DTNA: variants seen among roughly 807,000 people sequenced by gnomAD.
DTNA encodes dystrophin-related protein 3.
DTNA carries 43 observed loss-of-function variants against 100.7 expected under a neutral mutation model. The ratio of observed to expected loss-of-function variants is 0.43; its 90% CI spans 0.33 to 0.55. The LOEUF (loss-of-function observed/expected upper bound fraction) is 0.55. Among genes scored for constraint, DTNA ranks in the 20% least tolerant of loss-of-function variants. The pLI is 0.04. For synonymous variants in DTNA, 349 were observed against 347.9 expected, an observed-to-expected ratio of 1.00 and a Z score of -0.04; for missense variants, 798 against 953.9, an observed-to-expected ratio of 0.84 and a Z score of 2.15.
intron 1 of DTNA, among the ~76,000 whole-genome samples, chr18:34,521,690 T>C (rs2042162434): frequency 6.6e-6 from 1 of 152,156 alleles, no homozygotes; most frequent in South Asian, 2.1e-4. Flanking sequence ...GACCCCTACC[T>C]GGAGCACTTA....
chr18:34,781,960 C>T (rs533797007), intron 3 of DTNA, among the ~76,000 whole-genome samples: 3 of 152,300 alleles, frequency 2.0e-5, no homozygotes, highest in East Asian at 1.9e-4. Context: ...CCAGCCCTAT[C>T]GGTGCTCTTT....
chr18:34,581,887 G>T (rs1353830829), intron 1 of DTNA, among the ~76,000 whole-genome samples: 1 of 152,070 alleles, frequency 6.6e-6, no homozygotes, highest in Non-Finnish European at 1.5e-5. Flanking sequence ...CTCCCAAAGT[G>T]CTGGGATTAT....
chr18:34,781,948 T>C (rs574395444), intron 3 of DTNA, among the ~76,000 whole-genome samples: 2 of 152,344 alleles, frequency 1.3e-5, no homozygotes, highest in Non-Finnish European at 2.9e-5. Context: ...TCCTCATGGC[T>C]GCCAGCCCTA....
chr18:34,564,311 T>C (rs1393295156), intron 1 of DTNA, among the ~76,000 whole-genome samples: 1 of 152,040 alleles, frequency 6.6e-6, no homozygotes, highest in Admixed American at 6.5e-5. Flanking sequence ...TCCAGCTACT[T>C]TTTTGTATTT....
At chr18:34,878,241 G>T (rs1369627378) in intron 19 of DTNA, among the ~76,000 whole-genome samples, 1 of 152,120 alleles carries the variant, frequency 6.6e-6, no homozygotes, top group Admixed American at 6.6e-5. Context: ...GCCTCCCAAA[G>T]TGTGTGAGCC....
intron 1 of DTNA, among the ~76,000 whole-genome samples, chr18:34,547,881 T>C (rs1180916677): frequency 1.3e-5 from 2 of 152,170 alleles, no homozygotes; most frequent in Non-Finnish European, 2.9e-5. Flanking sequence ...TCTCTGCATA[T>C]TTCAGCTAAA....
Position 34,887,955 on chromosome 18 carries a change from C to G in DTNA, c.*221C>G, listed in dbSNP as rs983890731. On this transcript the variant is annotated 3_prime_UTR_variant, in exon 23 of 23. Coordinates refer to ENST00000444659, the MANE Select transcript of DTNA (RefSeq NM_001386795.1). ...GTCCTGATGACTATAGTGCAGCTAACTTTTTGTTCTCAGATTTGTAGTGCA... is the reference window on the plus strand; with the variant it reads ...GTCCTGATGACTATAGTGCAGCTAAGTTTTTGTTCTCAGATTTGTAGTGCA... 1.0e-6 allele frequency: 1 copy of G among 985,862 alleles called. No individual in the cohort carries two copies. The highest frequency in any genetic ancestry group is 1.7e-5 in the African/African-American group (1 of 57,182). The allele number at this position is 985,862 out of a possible 1,614,324, so 61.1% of individuals were successfully genotyped here. A position where few individuals can be genotyped will look rare whatever the true frequency, so the allele number is the denominator to read the frequency against.
intron 1 of DTNA, among the ~76,000 whole-genome samples, chr18:34,629,989 C>T (rs778099946): frequency 3.3e-5 from 5 of 152,140 alleles, no homozygotes; most frequent in Non-Finnish European, 7.4e-5. Flanking sequence ...TAAATGATGT[C>T]GTTGGCATTT....
At chr18:34,882,510 G>T (rs900604918) in intron 21 of DTNA, among the ~76,000 whole-genome samples, 1 of 151,766 alleles carries the variant, frequency 6.6e-6, no homozygotes, top group South Asian at 2.1e-4. Flanking sequence ...CTGGGACTAC[G>T]GGCATGCACC....
chr18:34,669,829 AC>A (rs2076491902), intron 1 of DTNA, among the ~76,000 whole-genome samples: 1 of 152,176 alleles, frequency 6.6e-6, no homozygotes, highest in African/African-American at 2.4e-5. Context: ...TTTGTGGGTA[AC>A]CTGACCTTTC....
At chr18:34,784,330 G>A (rs961849858) in intron 3 of DTNA, among the ~76,000 whole-genome samples, 1 of 152,196 alleles carries the variant, frequency 6.6e-6, no homozygotes, top group East Asian at 1.9e-4. Flanking sequence ...TAAATGAATA[G>A]TTATAGACCC....
intron 1 of DTNA, among the ~76,000 whole-genome samples, chr18:34,739,416 T>C (rs1375703803): frequency 6.6e-6 from 1 of 152,154 alleles, no homozygotes; most frequent in African/African-American, 2.4e-5. Context: ...AAAAGTCTCA[T>C]TTGCTTGCCT....
chr18:34,802,249 G>A (rs117882607), intron 4 of DTNA, among the ~76,000 whole-genome samples: 2,969 of 152,304 alleles, frequency 0.019, 35 homozygotes, highest in Non-Finnish European at 0.029. Context: ...TTCCTGGGTT[G>A]CAGCTGACAG....
intron 1 of DTNA, among the ~76,000 whole-genome samples, chr18:34,555,735 G>A (rs2045962108): frequency 6.6e-6 from 1 of 152,200 alleles, no homozygotes; most frequent in African/African-American, 2.4e-5. Context: ...ACTGTGGTCT[G>A]AGAGATAGTT....
chr18:34,561,679 TA>T (rs1229648950), intron 1 of DTNA, among the ~76,000 whole-genome samples: 2 of 152,094 alleles, frequency 1.3e-5, no homozygotes, highest in Non-Finnish European at 2.9e-5. Flanking sequence ...GATTGAACAG[TA>T]TAGGGAATAA....
intron 4 of DTNA, among the ~76,000 whole-genome samples, chr18:34,798,127 G>A (rs1349864765): frequency 6.6e-6 from 1 of 152,082 alleles, no homozygotes; most frequent in Non-Finnish European, 1.5e-5. Context: ...AGCCTCCCGA[G>A]TAGCTGGGAC....
At chr18:34,616,257 C>A (rs1388842640) in intron 1 of DTNA, among the ~76,000 whole-genome samples, 1 of 152,118 alleles carries the variant, frequency 6.6e-6, no homozygotes, top group Non-Finnish European at 1.5e-5. Context: ...TATTAAAAAC[C>A]CTTGAGGAAA....
chr18:34,555,536 T>C (rs1372500687), intron 1 of DTNA, among the ~76,000 whole-genome samples: 3 of 152,140 alleles, frequency 2.0e-5, no homozygotes, highest in African/African-American at 2.4e-5. Flanking sequence ...TCCCTCTACA[T>C]GCTGCTTTGA....
At chr18:34,556,263 T>C (rs1264629830) in intron 1 of DTNA, among the ~76,000 whole-genome samples, 3 of 152,140 alleles carry the variant, frequency 2.0e-5, no homozygotes, top group Non-Finnish European at 4.4e-5. Flanking sequence ...CGTATGTGTG[T>C]CTCTGCACGT....
Sources: gnomAD v4.1 joint callset for allele counts (sites outside exome capture counted in the v4.1 genomes callset) on GRCh38, gnomAD v4.1.1 for gene constraint, MANE v1.5 for transcripts, NCBI Gene and HGNC (gene_info 2026-07-23, HGNC 2026-07-21) for gene names.